Variants in TLN2 observed in about 807,000 individuals in gnomAD.
TLN2 encodes the protein talin 2, also known as talin-2.
In TLN2, 118 loss-of-function variants were observed where a neutral mutation model predicts 294.7. That is an observed-to-expected ratio of 0.40 (90% CI 0.34 to 0.47). The LOEUF (loss-of-function observed/expected upper bound fraction) is 0.47, where lower values mean the gene tolerates loss of function less well. Among genes scored for constraint, TLN2 ranks in the 20% least tolerant of loss-of-function variants. The probability of loss-of-function intolerance (pLI) is 0.84; values close to 1 mark genes in which losing one functional copy is unlikely to be tolerated. For synonymous variants in TLN2, 1,431 were observed against 1,304.5 expected (o/e 1.10, Z -2.09); for missense variants, 3,083 against 3,282.2 (o/e 0.94, Z 1.48).
intron 9 of TLN2, among the ~76,000 whole-genome samples, chr15:62,661,499 G>C (rs6494337): frequency 6.6e-6 from 1 of 151,978 alleles, no homozygotes; most frequent in Admixed American, 6.5e-5. Flanking sequence ...AGAAATGCAG[G>C]TATGTTGACC....
intron 1 of TLN2, among the ~76,000 whole-genome samples, chr15:62,551,110 CA>C (rs1443957221): frequency 6.6e-6 from 1 of 152,088 alleles, no homozygotes; most frequent in Non-Finnish European, 1.5e-5. Context: ...GGGTGGTTCA[CA>C]ATAGGGTTTG....
At chr15:62,449,520 A>G (rs1470315807) in intron 1 of TLN2, among the ~76,000 whole-genome samples, 1 of 152,128 alleles carries the variant, frequency 6.6e-6, no homozygotes, top group Non-Finnish European at 1.5e-5. Flanking sequence ...TCCGAGTGCC[A>G]AATTCTCCTT....
intron 24 of TLN2, among the ~76,000 whole-genome samples, chr15:62,719,365 A>G (rs1369322638): frequency 6.6e-6 from 1 of 152,202 alleles, no homozygotes; most frequent in Non-Finnish European, 1.5e-5. Context: ...GTATCCAAGT[A>G]TTTCCCTCAC....
At chr15:62,449,951 G>C (rs1092362) in intron 1 of TLN2, among the ~76,000 whole-genome samples, 114,477 of 152,152 alleles carry the variant, frequency 0.75, 43,355 homozygotes, top group East Asian at 0.99. Context: ...GCTGTTTCTT[G>C]TCTGTCCTGG....
intron 28 of TLN2, 112 bp downstream of exon 28, chr15:62,727,301 A>G: frequency 1.1e-6 from 1 of 919,038 alleles, no homozygotes; most frequent in Non-Finnish European, 1.6e-6. Context: ...TTCTCCCAGC[A>G]GTTCACCGTA....
chr15:62,765,418 G>A (rs1216852491), intron 40 of TLN2, among the ~76,000 whole-genome samples: 1 of 151,918 alleles, frequency 6.6e-6, no homozygotes, highest in Non-Finnish European at 1.5e-5. Flanking sequence ...CCCACAGGCA[G>A]CATTGTTCTG....
At chr15:62,575,617 C>CAA (rs953659208) in intron 1 of TLN2, among the ~76,000 whole-genome samples, 14 of 151,760 alleles carry the variant, frequency 9.2e-5, no homozygotes, top group Admixed American at 3.3e-4. Context: ...CACACACACA[C>CAA]ACACACATAC....
intron 18 of TLN2, 37 bp downstream of exon 18, chr15:62,702,237 T>TGG (rs2058761982): frequency 2.0e-6 from 3 of 1,538,096 alleles, no homozygotes; most frequent in South Asian, 2.4e-5. Flanking sequence ...CAGGTTCTGA[T>TGG]GGGACAGCTG....
intron 1 of TLN2, among the ~76,000 whole-genome samples, chr15:62,581,625 G>A (rs183992598): frequency 1.3e-5 from 2 of 152,260 alleles, no homozygotes; most frequent in Non-Finnish European, 2.9e-5. Flanking sequence ...TTGTTATACC[G>A]TGAAAGCCTT....
At chr15:62,411,335 G>A (rs2033763061) in intron 1 of TLN2, among the ~76,000 whole-genome samples, 2 of 152,078 alleles carry the variant, frequency 1.3e-5, no homozygotes, top group South Asian at 4.2e-4. Context: ...GTTATTGCAA[G>A]GATTTAGTAG....
chr15:62,507,590 A>G (rs1452452660), intron 1 of TLN2, among the ~76,000 whole-genome samples: 1 of 152,066 alleles, frequency 6.6e-6, no homozygotes, highest in Non-Finnish European at 1.5e-5. Context: ...TTGGATATCA[A>G]CTCTGTGATT....
chr15:62,697,436 T>G (rs115795924), intron 14 of TLN2, among the ~76,000 whole-genome samples: 1,708 of 152,322 alleles, frequency 0.011, 42 homozygotes, highest in African/African-American at 0.038. Flanking sequence ...ACTAATTGCA[T>G]AATACCATAA....
intron 3 of TLN2, among the ~76,000 whole-genome samples, chr15:62,642,463 T>G (rs1276526398): frequency 2.0e-5 from 3 of 151,964 alleles, no homozygotes; most frequent in Non-Finnish European, 4.4e-5. Context: ...TGCAGAAGAG[T>G]AGACGCCAGG....
At chr15:62,601,639 G>A (rs1219643639) in intron 2 of TLN2, among the ~76,000 whole-genome samples, 1 of 152,010 alleles carries the variant, frequency 6.6e-6, no homozygotes. Context: ...GCAAAATAGT[G>A]GTATTCTAAT....
chr15:62,796,215 C>T lies in TLN2; in HGVS notation c.5972C>T (p.Ala1991Val). ...GCCACCGCTGTGTCTGGGATCATTG[C>T]CGACCTGGACACCACCATTATGTTT... is the stretch of plus-strand genomic sequence containing the variant. The part of the protein sequence containing the change: ...TAATAVSGII[A>V]DLDTTIMFAT... Residue 1991 changes from alanine to valine, a missense_variant, in exon 47 of 59, where the codon GCC becomes GTC. Coordinates refer to ENST00000636159, the MANE Select transcript of TLN2 (RefSeq NM_015059.3). The T allele has an allele frequency of 6.2e-7, 1 of 1,614,214 alleles. No individual in the cohort carries two copies. Among genetic ancestry groups the T allele is most frequent in the African/African-American group, 1.3e-5 (1 of 75,052 alleles).
intron 1 of TLN2, among the ~76,000 whole-genome samples, chr15:62,395,490 A>T (rs1447166964): frequency 6.6e-6 from 1 of 152,154 alleles, no homozygotes; most frequent in Admixed American, 6.5e-5. Flanking sequence ...CAGACCATTG[A>T]TATAAGTGTG....
intron 1 of TLN2, among the ~76,000 whole-genome samples, chr15:62,433,556 C>T (rs138148553): frequency 6.6e-6 from 1 of 152,104 alleles, no homozygotes; most frequent in Non-Finnish European, 1.5e-5. Flanking sequence ...GATTGTGTTA[C>T]CTGCTTGCTT....
chr15:62,639,216 G>A (rs2050714149), intron 3 of TLN2, among the ~76,000 whole-genome samples: 1 of 146,754 alleles, frequency 6.8e-6, no homozygotes, highest in African/African-American at 2.5e-5. Context: ...ATATATTCCT[G>A]ACACTAGGTT....
chr15:62,732,963 TCTTTGG>T (rs2060811911), intron 28 of TLN2, among the ~76,000 whole-genome samples: 2 of 152,138 alleles, frequency 1.3e-5, no homozygotes, highest in African/African-American at 2.4e-5. Flanking sequence ...GGCAGCTAAA[TCTTTGG>T]CTCTGAAACT....
Sources: allele counts gnomAD v4.1 joint callset (sites outside exome capture counted in the v4.1 genomes callset), GRCh38; gene constraint gnomAD v4.1.1; transcripts MANE v1.5; gene names NCBI Gene and HGNC (gene_info 2026-07-23, HGNC 2026-07-21).